Variants in CATSPERB observed in about 807,000 individuals in gnomAD.
The protein encoded by CATSPERB is cation channel sperm-associated auxiliary subunit beta.
A neutral mutation model predicts 128.3 loss-of-function variants in CATSPERB; 93 were observed. That is an observed-to-expected ratio of 0.72 (90% CI 0.61 to 0.86). The LOEUF is 0.86. Ranked by LOEUF, CATSPERB falls within the 40% of genes least tolerant of loss-of-function variation. The pLI, the probability that CATSPERB is intolerant of heterozygous loss-of-function variation, is 0.00. For missense variants in CATSPERB, 1,153 were observed against 1,329.5 expected (o/e 0.87, Z 2.06); for synonymous variants, 381 against 448.8 (o/e 0.85, Z 1.91).
intron 17 of CATSPERB, among the ~76,000 whole-genome samples, chr14:91,635,281 T>C (rs955867334): frequency 5.5e-4 from 83 of 152,246 alleles, no homozygotes; most frequent in African/African-American, 1.9e-3. Flanking sequence ...ACCACAGCAG[T>C]GAGTTTCTGG....
chr14:91,694,376 C>T (rs1434730998), intron 7 of CATSPERB, among the ~76,000 whole-genome samples: 1 of 127,836 alleles, frequency 7.8e-6, no homozygotes, highest in Admixed American at 9.9e-5. Context: ...CTTGGGAGGT[C>T]AAGGCTGTAG....
At position 91,672,957 on chromosome 14, in the gene CATSPERB, G is replaced by A; in HGVS notation, c.1038C>T (p.His346=). The change falls in exon 13 of 27, where the codon CAC becomes CAT. Residue 346 remains histidine, a synonymous_variant. Coordinates refer to ENST00000256343, the MANE Select transcript of CATSPERB (RefSeq NM_024764.4). ...GAAAAATTTTTATTCCTTTAAAAAT[G>A]TGAGGTAAGCAGGGTACCCATTCAA... ...PFLEWVPCLP[H]IFKGIKIFPT... is the part of the protein sequence containing the mutation. 1 of 1,603,026 alleles carries A rather than the reference G, an allele frequency of 6.2e-7. No homozygotes were observed. The highest frequency in any genetic ancestry group is 8.5e-7 in the Non-Finnish European group (1 of 1,177,392).
At chr14:91,599,112 G>A (rs1459581049) in intron 22 of CATSPERB, among the ~76,000 whole-genome samples, 2 of 152,070 alleles carry the variant, frequency 1.3e-5, no homozygotes, top group East Asian at 1.9e-4. Flanking sequence ...TCAGCAAATT[G>A]TCGTATTGGT....
intron 12 of CATSPERB, among the ~76,000 whole-genome samples, chr14:91,673,457 CTTG>C (rs1408419949): frequency 1.3e-5 from 2 of 152,202 alleles, no homozygotes; most frequent in Admixed American, 6.5e-5. Flanking sequence ...CCTGGCAATA[CTTG>C]TTGACTCAGT....
At chr14:91,705,639 G>GT (rs1391463140) in intron 6 of CATSPERB, among the ~76,000 whole-genome samples, 1 of 152,198 alleles carries the variant, frequency 6.6e-6, no homozygotes, top group Non-Finnish European at 1.5e-5. Context: ...TTGAATATCT[G>GT]TTTTTCTCAC....
At chr14:91,640,093 A>G (rs1894464235) in intron 15 of CATSPERB, among the ~76,000 whole-genome samples, 1 of 151,966 alleles carries the variant, frequency 6.6e-6, no homozygotes, top group African/African-American at 2.4e-5. Context: ...GCTTCATTCG[A>G]TGTTGGTTAG....
rs1382970731 is a variant in CATSPERB, at chr14:91,588,371, G to A, written c.2957-293C>T. Among the ~76,000 whole-genome samples the A allele has an allele frequency of 2.6e-5, 4 of 152,206 alleles. 1 individual carries two copies. The Middle Eastern group carries it at 0.01, about 388-fold the overall frequency. On this transcript the variant is annotated intron_variant, in intron 24 of 26. Transcript: ENST00000256343. ...TCAAGGGCATCCTCAAGAAGTTCAA[G>A]ACTTCTGATCAGCTTCATGCTGACC...
At chr14:91,594,333 G>T (rs1311990561) in intron 22 of CATSPERB, among the ~76,000 whole-genome samples, 2 of 152,022 alleles carry the variant, frequency 1.3e-5, no homozygotes, top group South Asian at 2.1e-4. Flanking sequence ...GTTGTGGGGT[G>T]GGGGGATGGG....
At chr14:91,656,594 G>T (rs1331143628) in intron 15 of CATSPERB, among the ~76,000 whole-genome samples, 1 of 152,086 alleles carries the variant, frequency 6.6e-6, no homozygotes, top group African/African-American at 2.4e-5. Context: ...AGGAAAAAGA[G>T]AAGGAAGAGA....
intron 17 of CATSPERB, among the ~76,000 whole-genome samples, chr14:91,630,280 A>G (rs1285612): frequency 0.66 from 100,990 of 151,992 alleles, 34,390 homozygotes; most frequent in Admixed American, 0.76. Context: ...TTCTTAGCCC[A>G]GGCTCTCTTC....
At chr14:91,618,956 C>T (rs534347403) in intron 19 of CATSPERB, among the ~76,000 whole-genome samples, 2 of 152,274 alleles carry the variant, frequency 1.3e-5, no homozygotes, top group East Asian at 1.9e-4. Context: ...AGGGACCACA[C>T]CTTCAGTAGA....
At chr14:91,670,161 T>A (rs1895062945) in intron 13 of CATSPERB, among the ~76,000 whole-genome samples, 189 bp from the exon 14 acceptor site, 1 of 152,314 alleles carries the variant, frequency 6.6e-6, no homozygotes. Flanking sequence ...ATCTTATAGT[T>A]GTTGAAAATG....
chr14:91,708,002 CA>C, intron 6 of CATSPERB, 138 bp downstream of exon 6: 1 of 654,818 alleles, frequency 1.5e-6, no homozygotes, highest in Non-Finnish European at 2.7e-6. Flanking sequence ...GTGAGTGCCT[CA>C]AGGGTCATGA....
intron 21 of CATSPERB, among the ~76,000 whole-genome samples, chr14:91,609,761 ATGCTCTGTGCTCTGT>A (rs1893787299): frequency 6.6e-6 from 1 of 152,112 alleles, no homozygotes; most frequent in Non-Finnish European, 1.5e-5. Flanking sequence ...AGACAGAGTC[ATGCTCTGTGCTCTGT>A]TGCTCAGGCT....
chr14:91,657,445 C>T (rs1894806711), intron 15 of CATSPERB, among the ~76,000 whole-genome samples: 3 of 152,054 alleles, frequency 2.0e-5, no homozygotes, highest in South Asian at 2.1e-4. Context: ...AAACTATCCA[C>T]GACATTAATC....
intron 25 of CATSPERB, among the ~76,000 whole-genome samples, 200 bp from the exon 26 acceptor site, chr14:91,587,476 A>ATTTTTTTTTTTTTT (rs1893324019): frequency 2.7e-5 from 2 of 74,800 alleles, no homozygotes; most frequent in Non-Finnish European, 5.0e-5. Flanking sequence ...AATAGCTGAT[A>ATTTTTTTTTTTTTT]CTTTTTTTTT....
chr14:91,716,887 T>A (rs990748774), intron 5 of CATSPERB, among the ~76,000 whole-genome samples: 5 of 152,158 alleles, frequency 3.3e-5, no homozygotes, highest in African/African-American at 7.2e-5. Flanking sequence ...TACAACACAG[T>A]AATCCTACTA....
chr14:91,593,069 G>A (rs1893439144), intron 22 of CATSPERB, among the ~76,000 whole-genome samples: 1 of 152,240 alleles, frequency 6.6e-6, no homozygotes, highest in Admixed American at 6.5e-5. Flanking sequence ...TGTTGAGCCT[G>A]TGGGTGCACA....
At chr14:91,622,539 T>C (rs1894069916) in intron 18 of CATSPERB, among the ~76,000 whole-genome samples, 1 of 152,182 alleles carries the variant, frequency 6.6e-6, no homozygotes, top group African/African-American at 2.4e-5. Context: ...AGGAAGGCTG[T>C]TGAAATGAGA....
Sources: gnomAD v4.1 joint callset for allele counts (sites outside exome capture counted in the v4.1 genomes callset) on GRCh38, gnomAD v4.1.1 for gene constraint, MANE v1.5 for transcripts, NCBI Gene and HGNC (gene_info 2026-07-23, HGNC 2026-07-21) for gene names.